The following RNLS variants were observed in gnomAD, a reference collection of about 807,000 sequenced individuals.
RNLS encodes the protein renalase, FAD dependent amine oxidase.
A neutral mutation model predicts 39.8 loss-of-function variants in RNLS; 39 were observed. That is an observed-to-expected ratio of 0.98 (90% CI 0.76 to 1.28). RNLS has a LOEUF of 1.28. RNLS is among the 50% of genes most tolerant of loss of function. The pLI is 0.00. For missense variants in RNLS, 410 were observed against 413.3 expected (o/e 0.99, Z 0.07); for synonymous variants, 147 against 150.7 (o/e 0.98, Z 0.18).
At chr10:88,566,498 T>A (rs1008765275) in intron 4 of RNLS, among the ~76,000 whole-genome samples, 1 of 151,944 alleles carries the variant, frequency 6.6e-6, no homozygotes, top group African/African-American at 2.4e-5. Context: ...ACCTAAGAAA[T>A]GAGCTGATGA....
At chr10:88,420,292 A>G (rs1294866388) in intron 4 of RNLS, among the ~76,000 whole-genome samples, 1 of 152,196 alleles carries the variant, frequency 6.6e-6, no homozygotes, top group Non-Finnish European at 1.5e-5. Flanking sequence ...GTTAAGACGT[A>G]CAGTCCATTA....
the RNLS span, among the ~76,000 whole-genome samples, chr10:88,242,031 C>T: frequency 6.6e-6 from 1 of 152,084 alleles, no homozygotes; most frequent in Non-Finnish European, 1.5e-5. Flanking sequence ...ACCAGGAGAC[C>T]CTTGATGGAA....
At chr10:88,274,588 A>C (rs1842742639) in exon 7 of RNLS, 1 of 184,610 alleles carries the variant, frequency 5.4e-6, no homozygotes, top group African/African-American at 2.3e-5. Context: ...TTATCTATTC[A>C]TCTATCCATG....
the RNLS span, among the ~76,000 whole-genome samples, chr10:88,175,796 A>G: frequency 6.6e-6 from 1 of 151,974 alleles, no homozygotes; most frequent in Non-Finnish European, 1.5e-5. Context: ...ATTTTTTTTA[A>G]ATTTTCTGTC....
At chr10:88,396,448 A>C (rs1435805432) in intron 4 of RNLS, among the ~76,000 whole-genome samples, 1 of 151,498 alleles carries the variant, frequency 6.6e-6, no homozygotes, top group Non-Finnish European at 1.5e-5. Flanking sequence ...CCCCAGGTTG[A>C]CTACTAATAA....
At chr10:88,500,210 T>C (rs904271955) in intron 4 of RNLS, among the ~76,000 whole-genome samples, 1 of 152,186 alleles carries the variant, frequency 6.6e-6, no homozygotes, top group Non-Finnish European at 1.5e-5. Flanking sequence ...AGTTAGTTCC[T>C]GGTGTAGTCT....
intron 4 of RNLS, among the ~76,000 whole-genome samples, chr10:88,421,562 G>A (rs1854412066): frequency 6.6e-6 from 1 of 152,022 alleles, no homozygotes; most frequent in African/African-American, 2.4e-5. Flanking sequence ...TTGTGAAGTG[G>A]TCTTCTAATT....
chr10:88,476,966 T>C (rs974143998), intron 4 of RNLS, among the ~76,000 whole-genome samples: 3 of 152,034 alleles, frequency 2.0e-5, no homozygotes, highest in African/African-American at 7.2e-5. Context: ...AAATGCTTTA[T>C]GCTGTGCAGT....
At chr10:88,527,178 T>A (rs544671139) in intron 4 of RNLS, among the ~76,000 whole-genome samples, 40 of 152,246 alleles carry the variant, frequency 2.6e-4, no homozygotes, top group African/African-American at 8.7e-4. Context: ...TCTACAGACA[T>A]AATGGAGAGG....
At chr10:88,246,823 G>A in the RNLS span, among the ~76,000 whole-genome samples, 1 of 152,150 alleles carries the variant, frequency 6.6e-6, no homozygotes, top group Non-Finnish European at 1.5e-5. Context: ...TCTAAGTTGT[G>A]AGCAGACAAC....
At chr10:88,387,365 C>A (rs74149714) in intron 4 of RNLS, among the ~76,000 whole-genome samples, 14,279 of 152,040 alleles carry the variant, frequency 0.094, 815 homozygotes, top group East Asian at 0.34. Flanking sequence ...GGCTTTCCAG[C>A]CAGAAGGAAT....
the RNLS span, among the ~76,000 whole-genome samples, chr10:88,174,593 T>G: frequency 6.6e-6 from 1 of 152,210 alleles, no homozygotes; most frequent in Non-Finnish European, 1.5e-5. Context: ...CATCCTTGCA[T>G]TCCTGAGTTA....
chr10:88,278,240 C>T (rs910128534), intron 6 of RNLS, among the ~76,000 whole-genome samples: 1 of 152,008 alleles, frequency 6.6e-6, no homozygotes, highest in Non-Finnish European at 1.5e-5. Flanking sequence ...TTCTCCACAA[C>T]GGTCTCTGTA....
intron 4 of RNLS, among the ~76,000 whole-genome samples, chr10:88,406,983 G>A (rs1409523632): frequency 6.6e-6 from 1 of 152,116 alleles, no homozygotes; most frequent in Admixed American, 6.6e-5. Context: ...TCACTGATAT[G>A]TGGGAGCTAA....
intron 4 of RNLS, among the ~76,000 whole-genome samples, chr10:88,447,656 T>C (rs542784108): frequency 1.4e-4 from 22 of 152,284 alleles, no homozygotes; most frequent in Non-Finnish European, 2.9e-5. Context: ...TGGAAAAAAC[T>C]ACTTTAGAGT....
the RNLS span, among the ~76,000 whole-genome samples, chr10:88,248,052 A>T: frequency 6.6e-6 from 1 of 152,228 alleles, no homozygotes; most frequent in Non-Finnish European, 1.5e-5. Flanking sequence ...GTAAGATGAT[A>T]CGTACATGTT....
intron 4 of RNLS, among the ~76,000 whole-genome samples, chr10:88,379,417 T>C (rs1851278279): frequency 9.1e-6 from 1 of 109,660 alleles, no homozygotes; most frequent in Middle Eastern, 4.1e-3. Flanking sequence ...AAAATAGTGC[T>C]AAAATTTCAA....
intron 5 of RNLS, among the ~76,000 whole-genome samples, chr10:88,341,078 A>AAAC (rs1375692391): frequency 3.5e-5 from 5 of 142,998 alleles, no homozygotes; most frequent in Non-Finnish European, 1.5e-5. Context: ...AAAACAAAAA[A>AAAC]CAGCAATTTG....
chr10:88,411,701 G>A (rs574830010), intron 4 of RNLS, among the ~76,000 whole-genome samples: 1 of 152,210 alleles, frequency 6.6e-6, no homozygotes, highest in East Asian at 1.9e-4. Context: ...AGACAGATAA[G>A]CAGAACTAAT....
Sources: allele counts gnomAD v4.1 joint callset (sites outside exome capture counted in the v4.1 genomes callset), GRCh38; gene constraint gnomAD v4.1.1; transcripts MANE v1.5; gene names NCBI Gene and HGNC (gene_info 2026-07-23, HGNC 2026-07-21).